CCDC102B: variants seen among roughly 807,000 people sequenced by gnomAD.
CCDC102B encodes the protein coiled-coil domain-containing protein 102B.
Under a neutral mutation model 57.4 loss-of-function variants are expected in CCDC102B, and 75 were observed. The ratio of observed to expected loss-of-function variants is 1.31; its 90% CI spans 1.08 to 1.58. The LOEUF (loss-of-function observed/expected upper bound fraction) is 1.58, where lower values mean the gene tolerates loss of function less well. CCDC102B is among the 40% of genes most tolerant of loss of function. CCDC102B has a pLI of 0.00. For synonymous variants in CCDC102B, 206 were observed against 201.9 expected (o/e 1.02, Z -0.17); for missense variants, 636 against 582.6 (o/e 1.09, Z -0.94).
At chr18:68,910,430 C>T (rs968726202) in intron 6 of CCDC102B, among the ~76,000 whole-genome samples, 2 of 152,146 alleles carry the variant, frequency 1.3e-5, no homozygotes, top group African/African-American at 4.8e-5. Flanking sequence ...TTTGTGAGGT[C>T]TAGTTCATCA....
intron 5 of CCDC102B, among the ~76,000 whole-genome samples, chr18:68,894,509 T>A (rs1385143620): frequency 6.6e-6 from 1 of 151,836 alleles, no homozygotes; most frequent in Non-Finnish European, 1.5e-5. Context: ...TTGATAAAAT[T>A]ATTGTAATTT....
chr18:68,729,047 T>C (rs1474513817), intron 2 of CCDC102B, among the ~76,000 whole-genome samples: 1 of 152,156 alleles, frequency 6.6e-6, no homozygotes, highest in Non-Finnish European at 1.5e-5. Flanking sequence ...TTATGGTCAT[T>C]ATGCAATAAT....
intron 6 of CCDC102B, among the ~76,000 whole-genome samples, chr18:68,920,210 T>A (rs1318649067): frequency 6.6e-6 from 1 of 152,118 alleles, no homozygotes; most frequent in Admixed American, 6.5e-5. Flanking sequence ...AGTGAGAACA[T>A]CCAGTGTTTG....
chr18:68,872,705 T>C (rs948154839), intron 4 of CCDC102B, among the ~76,000 whole-genome samples: 1 of 151,944 alleles, frequency 6.6e-6, no homozygotes, highest in African/African-American at 2.4e-5. Context: ...CCTTTTCTTG[T>C]TTTTTATTTC....
At chr18:68,766,259 T>G (rs775579518) in intron 2 of CCDC102B, among the ~76,000 whole-genome samples, 5 of 152,132 alleles carry the variant, frequency 3.3e-5, no homozygotes, top group Non-Finnish European at 7.4e-5. Context: ...GCTTCTGTGG[T>G]CCATTAGCAG....
intron 2 of CCDC102B, 144 bp downstream of exon 2, chr18:68,837,513 G>A: frequency 1.3e-6 from 1 of 777,880 alleles, no homozygotes; most frequent in Non-Finnish European, 2.1e-6. Flanking sequence ...AGTGGTTTAA[G>A]CAACAGAAAT....
chr18:68,985,871 A>G (rs1445674963), intron 6 of CCDC102B, among the ~76,000 whole-genome samples: 2 of 152,134 alleles, frequency 1.3e-5, no homozygotes, highest in East Asian at 3.9e-4. Context: ...GAAGGAATAG[A>G]TCTGAGAGCA....
intron 7 of CCDC102B, among the ~76,000 whole-genome samples, chr18:69,023,919 T>C (rs2051915444): frequency 6.6e-6 from 1 of 152,102 alleles, no homozygotes; most frequent in Non-Finnish European, 1.5e-5. Context: ...ATGAACCTTT[T>C]TAACATTCAG....
Position 69,054,813 on chromosome 18 carries a change from G to A in CCDC102B, c.*676G>A. 1.0e-6 allele frequency: 1 copy of A among 985,300 alleles called. No homozygotes were observed. The allele number at this position is 985,300 out of a possible 1,614,324, so 61.0% of individuals were successfully genotyped here. A position where few individuals can be genotyped will look rare whatever the true frequency, so the allele number is the denominator to read the frequency against. ...TTTTATCTGGATAGACATTTCTACA[G>A]TAAAATCATGGAAAGGCATCAGCAT... On this transcript the variant is annotated 3_prime_UTR_variant, in exon 8 of 8. Transcript: ENST00000360242.
rs188322304 is a variant in CCDC102B, at chr18:68,894,902, T to A, written c.1054-2317T>A. ...TATTTAAAACCTTGGTTCTACTTGT[T>A]ATCTGTTATTTAATGTTAAATCAAT... On this transcript the variant is annotated intron_variant, in intron 5 of 7. Transcript: ENST00000360242. Among the ~76,000 whole-genome samples, 4 of 152,036 alleles carry A rather than the reference T, an allele frequency of 2.6e-5. No homozygotes were observed. The East Asian group carries it at 7.7e-4, about 29-fold the overall frequency.
At chr18:68,981,696 A>G (rs1244458352) in intron 6 of CCDC102B, among the ~76,000 whole-genome samples, 2 of 152,008 alleles carry the variant, frequency 1.3e-5, no homozygotes, top group Non-Finnish European at 2.9e-5. Flanking sequence ...TTCTGAAATT[A>G]TATCATAATT....
At chr18:68,937,587 A>G (rs1404619670) in intron 6 of CCDC102B, among the ~76,000 whole-genome samples, 1 of 152,072 alleles carries the variant, frequency 6.6e-6, no homozygotes, top group Non-Finnish European at 1.5e-5. Flanking sequence ...GTACTCATTT[A>G]TCAACCACCA....
chr18:68,775,485 TC>T (rs2034779254), intron 2 of CCDC102B, among the ~76,000 whole-genome samples: 1 of 152,092 alleles, frequency 6.6e-6, no homozygotes, highest in African/African-American at 2.4e-5. Context: ...TTTAATTTTT[TC>T]CTCTTCTCTA....
At chr18:68,836,191 A>G (rs1385264165) in intron 1 of CCDC102B, among the ~76,000 whole-genome samples, 1 of 152,252 alleles carries the variant, frequency 6.6e-6, no homozygotes, top group African/African-American at 2.4e-5. Context: ...TGAATTATTT[A>G]TGTCATATGC....
At chr18:68,730,739 C>T (rs2032822055) in intron 2 of CCDC102B, among the ~76,000 whole-genome samples, 1 of 152,200 alleles carries the variant, frequency 6.6e-6, no homozygotes, top group Non-Finnish European at 1.5e-5. Flanking sequence ...CATATATCTT[C>T]ATCTGACTGA....
At chr18:68,772,814 A>T (rs1387221278) in intron 2 of CCDC102B, among the ~76,000 whole-genome samples, 4 of 152,118 alleles carry the variant, frequency 2.6e-5, no homozygotes, top group African/African-American at 9.6e-5. Flanking sequence ...TTAGTATTTT[A>T]TCTGGGAGTG....
Position 68,857,154 on chromosome 18 carries a change from T to G in CCDC102B, c.936+10733T>G, listed in dbSNP as rs546394726. Among the ~76,000 whole-genome samples, 111 of 32,852 alleles carry G rather than the reference T, an allele frequency of 3.4e-3. 8 individuals carry two copies. The highest frequency in any genetic ancestry group is 9.7e-3 in the African/African-American group (62 of 6,422). 21.6% of individuals were successfully genotyped at this position (32,852 alleles called of 152,430 possible). On this transcript the variant is annotated intron_variant, in intron 4 of 7. Transcript: ENST00000360242. ...TTTTATATATTATATATAAATATAT[T>G]TATATATTTTTATATAATATATAAA...
At chr18:68,734,240 C>T (rs1274447935) in intron 2 of CCDC102B, among the ~76,000 whole-genome samples, 1 of 152,134 alleles carries the variant, frequency 6.6e-6, no homozygotes, top group East Asian at 1.9e-4. Context: ...GGTTCTAGGG[C>T]TCATTAAGAG....
intron 6 of CCDC102B, among the ~76,000 whole-genome samples, chr18:68,931,181 G>A (rs2041661472): frequency 6.6e-6 from 1 of 151,744 alleles, no homozygotes; most frequent in Admixed American, 6.6e-5. Context: ...GTATTGACCA[G>A]AGAAATTTTT....
Sources: allele counts gnomAD v4.1 joint callset (sites outside exome capture counted in the v4.1 genomes callset), GRCh38; gene constraint gnomAD v4.1.1; transcripts MANE v1.5; gene names NCBI Gene and HGNC (gene_info 2026-07-23, HGNC 2026-07-21).